The following DMXL1 variants were observed in gnomAD, a reference collection of about 807,000 sequenced individuals.
DMXL1 encodes Dmx like 1, also known as dmX-like protein 1.
DMXL1 carries 99 observed loss-of-function variants against 319.2 expected under a neutral mutation model. The observed-to-expected ratio is 0.31, with a 90% CI of 0.26 to 0.37. The LOEUF (loss-of-function observed/expected upper bound fraction) is 0.37. Ranked by LOEUF, DMXL1 falls within the 10% of genes least tolerant of loss-of-function variation. DMXL1 has a pLI of 1.00. For missense variants in DMXL1, 3,745 were observed against 3,595.6 expected (o/e 1.04, Z -1.06); for synonymous variants, 1,385 against 1,235.2 (o/e 1.12, Z -2.54).
At chr5:119,086,912 C>G (rs771097769) in intron 1 of DMXL1, among the ~76,000 whole-genome samples, 1 of 151,924 alleles carries the variant, frequency 6.6e-6, no homozygotes, top group Non-Finnish European at 1.5e-5. Flanking sequence ...TTTCTATTTC[C>G]TTATGGTTCA....
chr5:119,181,648 C>G (rs1776789074), intron 28 of DMXL1, among the ~76,000 whole-genome samples: 1 of 152,094 alleles, frequency 6.6e-6, no homozygotes, highest in African/African-American at 2.4e-5. Flanking sequence ...AAGTGAAACA[C>G]TGTCTCTACA....
rs565432755 is a variant in DMXL1, at chr5:119,110,128, A to G, written c.365-23A>G. 5.1e-6 allele frequency: 8 copies of G among 1,572,728 alleles called. No individual in the cohort carries two copies. The African/African-American group carries it at 6.9e-5, about 14-fold the overall frequency. The stretch of plus-strand genomic sequence containing the variant: ...TCACTATTAAATACCTAAATAATAA[A>G]TGAGGAATAATATTTTTTTTAGGCA... On this transcript the variant is annotated intron_variant, in intron 4 of 43. Coordinates refer to ENST00000539542, the MANE Select transcript of DMXL1 (RefSeq NM_001290321.3).
chr5:119,098,320 A>C (rs75065856), intron 2 of DMXL1, among the ~76,000 whole-genome samples: 1 of 152,232 alleles, frequency 6.6e-6, no homozygotes, highest in Non-Finnish European at 1.5e-5. Context: ...TCTCTGAGAA[A>C]GAAATACAAT....
At chr5:119,141,566 A>G (rs1178513009) in intron 13 of DMXL1, among the ~76,000 whole-genome samples, 2 of 152,206 alleles carry the variant, frequency 1.3e-5, no homozygotes, top group East Asian at 1.9e-4. Flanking sequence ...GATCTCTACA[A>G]TGAGAATTAC....
chr5:119,157,583 T>C (rs556080610), intron 19 of DMXL1, among the ~76,000 whole-genome samples: 2 of 152,338 alleles, frequency 1.3e-5, no homozygotes, highest in African/African-American at 4.8e-5. Context: ...GAAACTATCC[T>C]TTCCCATTGT....
chr5:119,134,096 G>A lies in DMXL1; in HGVS notation c.2172G>A (p.Glu724=). The change falls in exon 12 of 44, where the codon GAG becomes GAA. Residue 724 remains glutamate, a synonymous_variant. Coordinates refer to ENST00000539542, the MANE Select transcript of DMXL1 (RefSeq NM_001290321.3). ...GPLSFSGGVS[E]LARINSLHVS... ...TGTCTTTTTCTGGAGGAGTTTCTGA[G>A]CTTGCCCGGATTAATTCTCTTCATG... 6.2e-7 allele frequency: 1 copy of A among 1,614,102 alleles called. No homozygotes were observed. The highest frequency in any genetic ancestry group is 2.2e-5 in the East Asian group (1 of 44,884).
intron 35 of DMXL1, 147 bp downstream of exon 35, chr5:119,217,134 A>G: frequency 2.0e-6 from 1 of 496,416 alleles, no homozygotes; most frequent in Non-Finnish European, 3.5e-6. Context: ...ATTTTATAAA[A>G]TGATATTATT....
At chr5:119,233,117 A>G (rs576174934) in intron 38 of DMXL1, among the ~76,000 whole-genome samples, 1 of 152,150 alleles carries the variant, frequency 6.6e-6, no homozygotes, top group Admixed American at 6.6e-5. Flanking sequence ...GCTATGATTT[A>G]AATGCTCCTA....
At chr5:119,176,717 A>G (rs1406753900) in intron 26 of DMXL1, among the ~76,000 whole-genome samples, 2 of 152,078 alleles carry the variant, frequency 1.3e-5, no homozygotes, top group African/African-American at 2.4e-5. Context: ...GAAATTCCTT[A>G]TACCATTTTC....
chr5:119,117,993 T>A (rs575238621), intron 7 of DMXL1, among the ~76,000 whole-genome samples: 1 of 152,254 alleles, frequency 6.6e-6, no homozygotes, highest in Non-Finnish European at 1.5e-5. Flanking sequence ...ACTTTTTCTT[T>A]CTTTCTTCTA....
At chr5:119,230,077 T>A (rs150392875) in intron 38 of DMXL1, among the ~76,000 whole-genome samples, 1 of 152,196 alleles carries the variant, frequency 6.6e-6, no homozygotes, top group African/African-American at 2.4e-5. Flanking sequence ...TCAAAGGGAT[T>A]TGGAAAACTG....
intron 33 of DMXL1, 120 bp from the exon 34 acceptor site, chr5:119,206,714 C>T: frequency 1.7e-6 from 1 of 579,796 alleles, no homozygotes; most frequent in Non-Finnish European, 2.9e-6. Context: ...ATAGTAACTC[C>T]ATATAATGTT....
chr5:119,110,047 A>T, intron 4 of DMXL1, 104 bp from the exon 5 acceptor site: 1 of 1,114,974 alleles, frequency 9.0e-7, no homozygotes. Flanking sequence ...TTTTTTTGAT[A>T]TTTGACTTTT....
intron 3 of DMXL1, among the ~76,000 whole-genome samples, chr5:119,103,363 C>G (rs1757675432): frequency 6.6e-6 from 1 of 152,232 alleles, no homozygotes; most frequent in South Asian, 2.1e-4. Context: ...GTCATCTTCA[C>G]TTAGCTCATT....
At chr5:119,077,886 T>A (rs535056220) in intron 1 of DMXL1, among the ~76,000 whole-genome samples, 15 of 138,772 alleles carry the variant, frequency 1.1e-4, no homozygotes, top group Non-Finnish European at 1.9e-4. Flanking sequence ...TAGATATATA[T>A]ACACACACAC....
At chr5:119,232,872 G>C (rs1057057445) in intron 38 of DMXL1, among the ~76,000 whole-genome samples, 1 of 151,278 alleles carries the variant, frequency 6.6e-6, no homozygotes, top group African/African-American at 2.4e-5. Context: ...TGAGATATTA[G>C]GCCAATCAGG....
intron 9 of DMXL1, chr5:119,126,775 A>G (rs1028597741): frequency 5.8e-5 from 9 of 155,376 alleles, no homozygotes; most frequent in Non-Finnish European, 8.8e-5. Context: ...TTCACTTTCT[A>G]TTGTTCTTTT....
intron 19 of DMXL1, among the ~76,000 whole-genome samples, chr5:119,152,355 C>CT (rs145129906): frequency 0.081 from 12,306 of 151,624 alleles, 578 homozygotes; most frequent in Middle Eastern, 0.15. Flanking sequence ...CTTTTCTCTC[C>CT]TTTTTTTTGA....
chr5:119,147,131 AT>A, intron 16 of DMXL1, 117 bp from the exon 17 acceptor site: 1 of 1,116,192 alleles, frequency 9.0e-7, no homozygotes, highest in Non-Finnish European at 1.3e-6. Flanking sequence ...GAAGAATCAT[AT>A]TAATATGTTT....
Sources: gnomAD v4.1 joint callset for allele counts (sites outside exome capture counted in the v4.1 genomes callset) on GRCh38, gnomAD v4.1.1 for gene constraint, MANE v1.5 for transcripts, NCBI Gene and HGNC (gene_info 2026-07-23, HGNC 2026-07-21) for gene names.